The following TG variants were observed in gnomAD, a reference collection of about 807,000 sequenced individuals.
TG encodes the protein thyroid hormones.
TG carries 270 observed loss-of-function variants against 324.7 expected under a neutral mutation model. The ratio of observed to expected loss-of-function variants is 0.83; its 90% CI spans 0.75 to 0.92. TG has a LOEUF of 0.92. TG is among the 40% of genes least tolerant of loss of function. The pLI is 0.00. For missense variants in TG, 3,591 were observed against 3,456.4 expected, an observed-to-expected ratio of 1.04 and a Z score of -0.98; for synonymous variants, 1,401 against 1,327.0, an observed-to-expected ratio of 1.06 and a Z score of -1.21.
In TG at chr8:132,886,514, GC is replaced by G. The variant is rs778849740; in HGVS notation, c.1143del (p.Tyr382ThrfsTer20). On this transcript the variant is annotated frameshift_variant, in exon 9 of 48. Coordinates refer to ENST00000220616, the MANE Select transcript of TG (RefSeq NM_003235.5). LOFTEE classifies it high-confidence loss of function. ...ALSRLYFGTS[G>X]YFSQHDLFSS... ...TCCAGACTCTACTTTGGGACCTCAG[GC>G]TACTTCAGCCAGCACGACCTGTTCT... 26 of 1,614,032 alleles carry G rather than the reference GC, an allele frequency of 1.6e-5. No individual in the cohort carries two copies. The highest frequency in any genetic ancestry group is 2.1e-5 in the Non-Finnish European group (25 of 1,180,036).
At chr8:133,056,336 A>C (rs770317509) in intron 41 of TG, among the ~76,000 whole-genome samples, 1 of 152,214 alleles carries the variant, frequency 6.6e-6, no homozygotes, top group Non-Finnish European at 1.5e-5. Flanking sequence ...TTAGATTCAA[A>C]TAGAAAAAAG....
In TG at chr8:133,039,953, G is replaced by GCACGCACACACA. The variant is rs1554706051; in HGVS notation, c.7239+9933_7239+9934insGCACACACACAC. On this transcript the variant is annotated intron_variant, in intron 41 of 47. Transcript: ENST00000220616. ...TCACATGTTCACAGAGCACTTGCAT[G>GCACGCACACACA]CACACACACACACACACACACACAC... The GCACGCACACACA allele has an allele frequency of 8.4e-6, 12 of 1,434,334 alleles. No individual in the cohort carries two copies. The African/African-American group carries it at 1.5e-4, about 18-fold the overall frequency. 88.9% of individuals were successfully genotyped at this position (1,434,334 alleles called of 1,614,324 possible).
intron 35 of TG, chr8:132,995,099 G>A: frequency 2.1e-6 from 2 of 968,860 alleles, no homozygotes; most frequent in Non-Finnish European, 2.4e-6. Flanking sequence ...GCAGAAGCTG[G>A]GAAGCACAGA....
At chr8:132,947,648 T>G (rs1230171320) in intron 26 of TG, among the ~76,000 whole-genome samples, 1 of 142,300 alleles carries the variant, frequency 7.0e-6, no homozygotes, top group Non-Finnish European at 1.6e-5. Context: ...TTTTTTTTTT[T>G]TCCAGGAGAG....
At chr8:132,935,305 T>C (rs1256710557) in intron 24 of TG, among the ~76,000 whole-genome samples, 4 of 151,870 alleles carry the variant, frequency 2.6e-5, no homozygotes, top group African/African-American at 9.7e-5. Flanking sequence ...CACACCCGAT[T>C]AATTTTTTTT....
chr8:133,069,866 G>A (rs1015224131), intron 41 of TG, among the ~76,000 whole-genome samples: 1 of 151,912 alleles, frequency 6.6e-6, no homozygotes, highest in East Asian at 1.9e-4. Context: ...GCTGGGCGTG[G>A]TGGCAGGTGC....
At chr8:133,115,807 T>C (rs566062821) in intron 44 of TG, among the ~76,000 whole-genome samples, 14 of 152,256 alleles carry the variant, frequency 9.2e-5, no homozygotes, top group Non-Finnish European at 1.6e-4. Flanking sequence ...ACATAGCCTG[T>C]GCGTCAGCAC....
At chr8:133,018,144 A>G (rs930322447) in intron 38 of TG, 147 bp downstream of exon 38, 1 of 847,840 alleles carries the variant, frequency 1.2e-6, no homozygotes, top group South Asian at 1.4e-5. Context: ...GATATCATTA[A>G]GTGCTGTGAC....
chr8:132,955,645 G>A (rs949402433), intron 27 of TG, among the ~76,000 whole-genome samples: 1 of 152,242 alleles, frequency 6.6e-6, no homozygotes, highest in African/African-American at 2.4e-5. Context: ...ACAAAGGCCG[G>A]TGGTGGTGGT....
chr8:132,924,321 G>A (rs149894711), intron 22 of TG, among the ~76,000 whole-genome samples: 3 of 152,234 alleles, frequency 2.0e-5, no homozygotes, highest in South Asian at 4.1e-4. Context: ...CTCCTGCTGC[G>A]TGGCCCAGTT....
rs547523201 is a variant in TG at position 132,906,974 on chromosome 8, C to T, written c.3847+74C>T. The stretch of plus-strand genomic sequence containing the variant: ...TAGGGCTGGGACCGAGATATGGAGG[C>T]GTGGCTGCTCCATTTCCCCACCCAA... On this transcript the variant is annotated intron_variant, in intron 17 of 47. Coordinates refer to ENST00000220616, the MANE Select transcript of TG (RefSeq NM_003235.5). The T allele has an allele frequency of 1.8e-5, 26 of 1,459,206 alleles. No homozygotes were observed. The East Asian group carries it at 3.7e-4, about 21-fold the overall frequency. 90.4% of individuals were successfully genotyped at this position (1,459,206 alleles called of 1,614,324 possible).
intron 41 of TG, among the ~76,000 whole-genome samples, chr8:133,090,299 G>A (rs1235931471): frequency 6.6e-6 from 1 of 152,228 alleles, no homozygotes; most frequent in Non-Finnish European, 1.5e-5. Flanking sequence ...GCAGAGAGAA[G>A]CCCTGGGTTT....
rs771512525 is a variant in TG, at chr8:132,883,004, G to T, written c.1075+5G>T. 6.2e-7 allele frequency: 1 copy of T among 1,613,436 alleles called. No individual in the cohort carries two copies. Among genetic ancestry groups the T allele is most frequent in the Non-Finnish European group, 8.5e-7 (1 of 1,179,872 alleles). On this transcript the variant is annotated splice_donor_5th_base_variant and intron_variant, in intron 8 of 47. Coordinates refer to ENST00000220616, the MANE Select transcript of TG (RefSeq NM_003235.5). ...AAGGGGAGCCGCCATCTTGTGGTGG[G>T]TTTCCTCTGGGGGCTTCCTCTTTCG...
chr8:133,046,950 A>T (rs1839531853), intron 41 of TG, among the ~76,000 whole-genome samples: 1 of 152,184 alleles, frequency 6.6e-6, no homozygotes, highest in Admixed American at 6.5e-5. Flanking sequence ...CTTCTTTGAT[A>T]TTGAATGTAC....
At position 132,869,845 on chromosome 8, in the gene TG, C is replaced by T. The variant is rs749452694; in HGVS notation, c.274+19C>T. On this transcript the variant is annotated intron_variant, in intron 3 of 47. Transcript: ENST00000220616. ...GTGGCTTGTAAGTGGGAGTGGGGGA[C>T]GTCCCTTGGAGGGACCCTGCTAGGA... The T allele has an allele frequency of 2.4e-5, 38 of 1,610,410 alleles. No homozygotes were observed. The highest frequency in any genetic ancestry group is 3.5e-4 in the Middle Eastern group (2 of 5,774).
In TG at chr8:132,995,027, A is replaced by AT. The variant is rs1285382035; in HGVS notation, c.6262+11621dup. ...TGGCTCAGTTATGCTGTAGCGTGTGATTTTTTCCCTTCTGCTTTTGTGAGC... is the reference window on the plus strand; with the variant it reads ...TGGCTCAGTTATGCTGTAGCGTGTGATTTTTTTCCCTTCTGCTTTTGTGAGC... On this transcript the variant is annotated intron_variant, in intron 35 of 47. Coordinates refer to ENST00000220616, the MANE Select transcript of TG (RefSeq NM_003235.5). The AT allele has an allele frequency of 1.5e-5, 14 of 962,120 alleles. 1 individual carries two copies. In the South Asian group the frequency reaches 2.1e-4, roughly 14 times the overall value. 59.6% of individuals were successfully genotyped at this position (962,120 alleles called of 1,614,324 possible).
chr8:132,894,169 C>A lies in TG; in HGVS notation c.3001+240C>A, dbSNP rs145070074. ...ACCCTAGGGCAGGTTTCAGATGGCA[C>A]CTGCCGCTCCCACAAAGCCAATATT... On this transcript the variant is annotated intron_variant, in intron 11 of 47. Coordinates refer to ENST00000220616, the MANE Select transcript of TG (RefSeq NM_003235.5). 4.1e-3 allele frequency among the ~76,000 whole-genome samples: 622 copies of A among 152,242 alleles called. 4 individuals are homozygous for A. The highest frequency in any genetic ancestry group is 0.014 in the African/African-American group (590 of 41,540).
intron 38 of TG, among the ~76,000 whole-genome samples, chr8:133,019,337 C>T (rs1191019651): frequency 6.6e-6 from 1 of 152,262 alleles, no homozygotes; most frequent in Non-Finnish European, 1.5e-5. Context: ...CAAGCTGTTG[C>T]ATCAGCAGAC....
Position 132,887,515 on chromosome 8 carries a change from G to T in TG, c.2143G>T (p.Gly715Ter), listed in dbSNP as rs777769462. The change falls in exon 9 of 48, where the codon GGA becomes TGA. Residue 715 changes from glycine to a stop codon, truncating the protein, a stop_gained. Coordinates refer to ENST00000220616, the MANE Select transcript of TG (RefSeq NM_003235.5). LOFTEE classifies it high-confidence loss of function. The part of the protein sequence containing the change: ...CVDAEGQAIP[G>*]TRSAIGKPKK... ...TGATGCTGAGGGTCAGGCCATTCCT[G>T]GAACTCGAAGTGCAATAGGGAAGCC... 1.2e-6 allele frequency: 2 copies of T among 1,614,168 alleles called. No individual in the cohort carries two copies. Among genetic ancestry groups the T allele is most frequent in the Admixed American group, 3.3e-5 (2 of 60,024 alleles).
Sources: allele counts gnomAD v4.1 joint callset (sites outside exome capture counted in the v4.1 genomes callset), GRCh38; gene constraint gnomAD v4.1.1; transcripts MANE v1.5; gene names NCBI Gene and HGNC (gene_info 2026-07-23, HGNC 2026-07-21).